Variants in FRMD6 observed in about 807,000 individuals in gnomAD.
The protein encoded by FRMD6 is FERM domain-containing protein 6.
FRMD6 carries 37 observed loss-of-function variants against 73.2 expected under a neutral mutation model. That is an observed-to-expected ratio of 0.51 (90% CI 0.39 to 0.66). FRMD6 has a LOEUF of 0.66. FRMD6 is among the 30% of genes least tolerant of loss of function. FRMD6 has a pLI of 0.00. For synonymous variants in FRMD6, 273 were observed against 282.2 expected (o/e 0.97, Z 0.33); for missense variants, 714 against 780.5 (o/e 0.91, Z 1.02).
intron 6 of FRMD6, among the ~76,000 whole-genome samples, chr14:51,705,328 A>T (rs1469130937): frequency 6.6e-6 from 1 of 151,980 alleles, no homozygotes; most frequent in East Asian, 1.9e-4. Context: ...AAGTATGTCA[A>T]CTTCTGGCTC....
chr14:51,728,282 C>T lies in FRMD6; in HGVS notation c.*253C>T, dbSNP rs181655937. ...TTCACTGATCCTTCAGAAGGAAATG[C>T]GCTTTACTGATTGCAAAGCCTTCAG... is the stretch of plus-strand genomic sequence containing the variant. On this transcript the variant is annotated 3_prime_UTR_variant, in exon 14 of 14. Transcript: ENST00000344768. 1.4e-5 allele frequency: 6 copies of T among 433,492 alleles called. No individual in the cohort carries two copies. The highest frequency in any genetic ancestry group is 4.3e-5 in the South Asian group (1 of 23,032). 26.9% of individuals were successfully genotyped at this position (433,492 alleles called of 1,614,324 possible).
chr14:51,568,136 A>G (rs1386308477), intron 1 of FRMD6, among the ~76,000 whole-genome samples: 1 of 152,270 alleles, frequency 6.6e-6, no homozygotes, highest in Non-Finnish European at 1.5e-5. Context: ...TGTCTTTTCT[A>G]GAATAAAAAT....
At chr14:51,442,000 A>G in the FRMD6 span, among the ~76,000 whole-genome samples, 25,957 of 152,128 alleles carry the variant, frequency 0.17, 2,410 homozygotes, top group Middle Eastern at 0.26. Flanking sequence ...GACAAGCCTT[A>G]CAGGCTTGTT....
chr14:51,621,514 C>T (rs1890925580), intron 2 of FRMD6, among the ~76,000 whole-genome samples: 1 of 152,144 alleles, frequency 6.6e-6, no homozygotes, highest in African/African-American at 2.4e-5. Context: ...CCTGAATGTC[C>T]TGCTGTTCCA....
intron 2 of FRMD6, among the ~76,000 whole-genome samples, chr14:51,695,029 A>G (rs1895851400): frequency 6.6e-6 from 1 of 151,142 alleles, no homozygotes; most frequent in East Asian, 1.9e-4. Flanking sequence ...TAATAAATGT[A>G]TGGGCTGCAT....
chr14:51,587,388 A>T (rs149896400), intron 2 of FRMD6, among the ~76,000 whole-genome samples: 58 of 152,282 alleles, frequency 3.8e-4, no homozygotes, highest in African/African-American at 1.3e-3. Flanking sequence ...TTGAGGGCAG[A>T]CCTTAAACAC....
upstream of FRMD6, chr14:51,649,851 T>C (rs1594653792): frequency 2.6e-5 from 4 of 152,162 alleles, no homozygotes; most frequent in East Asian, 7.7e-4. Context: ...CTCAACCTCC[T>C]AGGCCCAAGC....
intron 1 of FRMD6, among the ~76,000 whole-genome samples, chr14:51,561,935 C>A (rs1393529514): frequency 1.3e-5 from 2 of 152,170 alleles, no homozygotes; most frequent in Non-Finnish European, 2.9e-5. Flanking sequence ...TCTTGTAGAA[C>A]AATCCTGGTG....
chr14:51,691,587 G>GT (rs1895575218), intron 2 of FRMD6, among the ~76,000 whole-genome samples: 1 of 90,574 alleles, frequency 1.1e-5, no homozygotes, highest in African/African-American at 3.6e-5. Flanking sequence ...TTTTGATTTT[G>GT]ATTTTTTTTT....
intron 2 of FRMD6, among the ~76,000 whole-genome samples, chr14:51,628,977 C>T (rs56397987): frequency 0.019 from 2,766 of 147,974 alleles, 85 homozygotes; most frequent in African/African-American, 0.065. Context: ...CCCGGGTTCA[C>T]GCCATTCTCC....
intron 2 of FRMD6, among the ~76,000 whole-genome samples, chr14:51,634,624 T>A (rs754306034): frequency 5.3e-5 from 8 of 152,164 alleles, no homozygotes; most frequent in Admixed American, 2.6e-4. Flanking sequence ...AAAAAAAAGA[T>A]AAATTTACTA....
chr14:51,584,898 T>A (rs1400854396), intron 2 of FRMD6, among the ~76,000 whole-genome samples: 1 of 152,224 alleles, frequency 6.6e-6, no homozygotes, highest in Non-Finnish European at 1.5e-5. Context: ...TTTTTAGAAT[T>A]AATTCTTTGT....
chr14:51,605,243 A>C (rs191421501), intron 2 of FRMD6, among the ~76,000 whole-genome samples: 3 of 65,444 alleles, frequency 4.6e-5, no homozygotes. Flanking sequence ...CAGATAAACA[A>C]GTGAACAAAG....
At chr14:51,579,187 T>C (rs1470798948) in intron 2 of FRMD6, 2 of 152,156 alleles carry the variant, frequency 1.3e-5, no homozygotes, top group African/African-American at 2.4e-5. Flanking sequence ...ATATATAATA[T>C]ATTCAAGGAG....
rs562750290 is a variant in FRMD6, at chr14:51,594,187, C to T, written c.-147+23777C>T. Among the ~76,000 whole-genome samples, 5 of 152,220 alleles carry T rather than the reference C, an allele frequency of 3.3e-5. No individual in the cohort carries two copies. In the South Asian group the frequency reaches 1.0e-3, roughly 32 times the overall value. The stretch of plus-strand genomic sequence containing the variant: ...TCACCCTGACTGGAGTGCAGTGGCG[C>T]GATCTCGGCTCACTGTAAACTCCAC... On this transcript the variant is annotated intron_variant, in intron 2 of 14. Coordinates refer to the FRMD6 transcript ENST00000356218.
chr14:51,558,774 C>G (rs958316387), intron 1 of FRMD6, among the ~76,000 whole-genome samples: 33 of 152,222 alleles, frequency 2.2e-4, no homozygotes, highest in African/African-American at 7.9e-4. Flanking sequence ...ATTTGCCCTC[C>G]TCTAAAGGAG....
intron 2 of FRMD6, among the ~76,000 whole-genome samples, chr14:51,604,034 G>C (rs1461317004): frequency 2.0e-5 from 3 of 151,976 alleles, no homozygotes; most frequent in Admixed American, 6.5e-5. Flanking sequence ...TGAGGAGACA[G>C]ATGCCAACTA....
the FRMD6 span, among the ~76,000 whole-genome samples, chr14:51,473,656 T>C: frequency 6.6e-6 from 1 of 152,150 alleles, no homozygotes; most frequent in Non-Finnish European, 1.5e-5. Context: ...GGGCATAGGC[T>C]TCTGGCTCTA....
chr14:51,693,923 C>T (rs2140392518), intron 2 of FRMD6, among the ~76,000 whole-genome samples: 1 of 152,266 alleles, frequency 6.6e-6, no homozygotes, highest in African/African-American at 2.4e-5. Flanking sequence ...AGAGGCCCTC[C>T]CTTTTTACAA....
Sources: gnomAD v4.1 joint callset for allele counts (sites outside exome capture counted in the v4.1 genomes callset) on GRCh38, gnomAD v4.1.1 for gene constraint, MANE v1.5 for transcripts, NCBI Gene and HGNC (gene_info 2026-07-23, HGNC 2026-07-21) for gene names.